Variants in ADAMTS19 observed in about 807,000 individuals in gnomAD.
ADAMTS19 encodes the protein A disintegrin and metalloproteinase with thrombospondin motifs 19.
In ADAMTS19, 93 loss-of-function variants were observed where a neutral mutation model predicts 153.3. That is an observed-to-expected ratio of 0.61 (90% CI 0.51 to 0.72). The LOEUF (loss-of-function observed/expected upper bound fraction) is 0.72. Ranked by LOEUF, ADAMTS19 falls within the 30% of genes least tolerant of loss-of-function variation. The pLI is 0.00. For missense variants in ADAMTS19, 1,482 were observed against 1,552.1 expected (o/e 0.95, Z 0.76); for synonymous variants, 600 against 556.6 (o/e 1.08, Z -1.10).
intron 6 of ADAMTS19, among the ~76,000 whole-genome samples, chr5:129,545,820 C>A (rs1752834988): frequency 6.6e-6 from 1 of 150,658 alleles, no homozygotes; most frequent in South Asian, 2.1e-4. Context: ...TTGTGGAAGT[C>A]AGTGTGGCGA....
intron 8 of ADAMTS19, among the ~76,000 whole-genome samples, chr5:129,609,931 G>C (rs1471009359): frequency 6.6e-6 from 1 of 152,088 alleles, no homozygotes; most frequent in Non-Finnish European, 1.5e-5. Flanking sequence ...GGCCACAGTA[G>C]TTTCACATCT....
At position 129,461,569 on chromosome 5, in the gene ADAMTS19, C is replaced by G. The variant is rs760933599; in HGVS notation, c.559C>G (p.Arg187Gly). 1.3e-6 allele frequency: 2 copies of G among 1,559,586 alleles called. No individual in the cohort carries two copies. Among genetic ancestry groups the G allele is most frequent in the Admixed American group, 1.9e-5 (1 of 53,446 alleles). ...AFSRDLYLLLRRDGRFLAPRF... is the reference protein window; with the variant it reads ...AFSRDLYLLLGRDGRFLAPRF... ...CTCTCGGGACCTGTACCTGCTGCTC[C>G]GGAGAGACGGCCGCTTCCTGGCGCC... The change falls in exon 2 of 23, where the codon CGG (arginine) becomes GGG (glycine). Residue 187 changes from arginine to glycine, a missense_variant. Coordinates refer to ENST00000274487, the MANE Select transcript of ADAMTS19 (RefSeq NM_133638.6). This position sits in a 1 kb window ranked among gnomAD's most constrained non-coding sequence, Gnocchi z 4.6.
At chr5:129,618,387 A>C (rs1751625223) in intron 8 of ADAMTS19, among the ~76,000 whole-genome samples, 1 of 152,002 alleles carries the variant, frequency 6.6e-6, no homozygotes, top group Non-Finnish European at 1.5e-5. Context: ...AGTAATATTC[A>C]ATAATGTGTT....
At chr5:129,610,833 T>C (rs1304324451) in intron 8 of ADAMTS19, among the ~76,000 whole-genome samples, 1 of 152,188 alleles carries the variant, frequency 6.6e-6, no homozygotes. Flanking sequence ...TCAAATGGTA[T>C]TTCTAGTTCT....
At chr5:129,676,981 T>C (rs1754578541) in intron 16 of ADAMTS19, among the ~76,000 whole-genome samples, 1 of 152,034 alleles carries the variant, frequency 6.6e-6, no homozygotes. Context: ...ATGTACTGAA[T>C]ACAGGAGAAA....
intron 4 of ADAMTS19, 95 bp from the exon 5 acceptor site, chr5:129,527,653 T>TAA: frequency 2.8e-6 from 1 of 359,726 alleles, no homozygotes; most frequent in Admixed American, 4.7e-5. Flanking sequence ...AAAAGATGTC[T>TAA]CAACTAAATT....
At chr5:129,470,750 C>T (rs1244610696) in intron 2 of ADAMTS19, among the ~76,000 whole-genome samples, 1 of 152,182 alleles carries the variant, frequency 6.6e-6, no homozygotes, top group African/African-American at 2.4e-5. Flanking sequence ...ATTATTAACT[C>T]TTTAGACTCT....
At chr5:129,537,083 GA>G (rs1450706288) in intron 6 of ADAMTS19, among the ~76,000 whole-genome samples, 3 of 151,048 alleles carry the variant, frequency 2.0e-5, no homozygotes, top group African/African-American at 4.9e-5. Context: ...AAAGAAAAAA[GA>G]AAAAAACAAC....
At chr5:129,535,376 G>A (rs1283691712) in intron 6 of ADAMTS19, among the ~76,000 whole-genome samples, 13 of 152,088 alleles carry the variant, frequency 8.5e-5, no homozygotes, top group Non-Finnish European at 1.3e-4. Flanking sequence ...ACCTCTTCAA[G>A]GAGAACTACA....
intron 18 of ADAMTS19, among the ~76,000 whole-genome samples, chr5:129,685,003 GA>G (rs199882456): frequency 5.6e-4 from 80 of 142,346 alleles, no homozygotes; most frequent in East Asian, 2.5e-3. Context: ...AAAAAGAAAA[GA>G]AAAAAAAAAA....
chr5:129,530,350 T>C (rs772288630), intron 6 of ADAMTS19, among the ~76,000 whole-genome samples: 5 of 152,120 alleles, frequency 3.3e-5, no homozygotes, highest in Non-Finnish European at 7.4e-5. Context: ...GAAGACATAA[T>C]GGCAAAAATT....
At chr5:129,670,720 C>A (rs1754264965) in intron 16 of ADAMTS19, among the ~76,000 whole-genome samples, 1 of 152,098 alleles carries the variant, frequency 6.6e-6, no homozygotes. Context: ...CCCTTTTAAA[C>A]CAGGGTGATC....
intron 14 of ADAMTS19, among the ~76,000 whole-genome samples, chr5:129,655,786 A>G (rs1753522617): frequency 6.6e-6 from 1 of 152,228 alleles, no homozygotes; most frequent in African/African-American, 2.4e-5. Flanking sequence ...CTCAGCTCTG[A>G]GATTCCATAT....
At chr5:129,701,270 C>T (rs1168325700) in intron 19 of ADAMTS19, 118 bp from the exon 20 acceptor site, 1 of 1,166,264 alleles carries the variant, frequency 8.6e-7, no homozygotes, top group Non-Finnish European at 1.2e-6. Flanking sequence ...AATTGGACCT[C>T]TTTCCTTTGT....
rs1754656326 is a variant in ADAMTS19, at chr5:129,678,623, T to C, written c.2507-1141T>C. Reference sequence around the variant, plus strand: ...CTCAGAAATAAACACTCTCAGTCACTATTATGGAAGTATAAATTGATGCAA... The same window carrying C: ...CTCAGAAATAAACACTCTCAGTCACCATTATGGAAGTATAAATTGATGCAA... On this transcript the variant is annotated intron_variant, in intron 16 of 22. Coordinates refer to ENST00000274487, the MANE Select transcript of ADAMTS19 (RefSeq NM_133638.6). Among the ~76,000 whole-genome samples the C allele has an allele frequency of 2.0e-5, 3 of 152,148 alleles. No individual in the cohort carries two copies. In the South Asian group the frequency reaches 6.2e-4, roughly 32 times the overall value.
intron 2 of ADAMTS19, among the ~76,000 whole-genome samples, chr5:129,473,384 A>G (rs1475892767): frequency 6.6e-6 from 1 of 152,142 alleles, no homozygotes; most frequent in Non-Finnish European, 1.5e-5. Flanking sequence ...ATTTATAGAT[A>G]GGCAATTAAC....
At chr5:129,522,332 C>CACACACACATATAT (rs1309115957) in intron 3 of ADAMTS19, among the ~76,000 whole-genome samples, 12 of 58,616 alleles carry the variant, frequency 2.0e-4, no homozygotes, top group East Asian at 1.6e-3. Flanking sequence ...CACACACACA[C>CACACACACATATAT]ATATATATAT....
intron 6 of ADAMTS19, among the ~76,000 whole-genome samples, chr5:129,546,914 A>G (rs959075342): frequency 6.6e-6 from 1 of 151,136 alleles, no homozygotes; most frequent in Non-Finnish European, 1.5e-5. Flanking sequence ...TTAAAAACAC[A>G]TGAAAAATTG....
chr5:129,559,845 G>A (rs186461023), intron 7 of ADAMTS19, among the ~76,000 whole-genome samples: 68 of 152,126 alleles, frequency 4.5e-4, no homozygotes, highest in African/African-American at 1.5e-3. Context: ...CACACAAGAT[G>A]TTATGTTTTT....
Sources: gnomAD v4.1 joint callset for allele counts (sites outside exome capture counted in the v4.1 genomes callset) on GRCh38, gnomAD v4.1.1 for gene constraint, Gnocchi (gnomAD v3.1) non-coding constraint, MANE v1.5 for transcripts, NCBI Gene and HGNC (gene_info 2026-07-23, HGNC 2026-07-21) for gene names.